The following LRRTM4 variants were observed in gnomAD, a reference collection of about 807,000 sequenced individuals.
LRRTM4 encodes leucine rich repeat transmembrane neuronal 4.
In LRRTM4, 25 loss-of-function variants were observed where a neutral mutation model predicts 47.6. The ratio of observed to expected loss-of-function variants is 0.53; its 90% CI spans 0.38 to 0.73. The LOEUF is 0.73. Ranked by LOEUF, LRRTM4 falls within the 30% of genes least tolerant of loss-of-function variation. LRRTM4 has a pLI of 0.00. For synonymous variants in LRRTM4, 311 were observed against 269.5 expected (o/e 1.15, Z -1.51); for missense variants, 638 against 713.4 (o/e 0.89, Z 1.20).
intron 3 of LRRTM4, among the ~76,000 whole-genome samples, chr2:76,817,104 C>G (rs1670924921): frequency 6.6e-6 from 1 of 151,762 alleles, no homozygotes; most frequent in Non-Finnish European, 1.5e-5. Flanking sequence ...TGGCCTTACT[C>G]TCTGAAGAAT....
intron 3 of LRRTM4, among the ~76,000 whole-genome samples, chr2:77,093,795 C>T (rs1434426464): frequency 1.3e-5 from 2 of 151,862 alleles, no homozygotes; most frequent in Non-Finnish European, 2.9e-5. Context: ...TAACTGATGA[C>T]ATTCCACCAC....
intron 3 of LRRTM4, among the ~76,000 whole-genome samples, chr2:77,456,877 T>A (rs1280323473): frequency 6.7e-6 from 1 of 150,282 alleles, no homozygotes; most frequent in Non-Finnish European, 1.5e-5. Context: ...ATCTTCCAAC[T>A]CTACATTTCT....
At chr2:77,334,336 C>T (rs748238876) in intron 3 of LRRTM4, among the ~76,000 whole-genome samples, 4 of 152,030 alleles carry the variant, frequency 2.6e-5, no homozygotes, top group African/African-American at 4.8e-5. Flanking sequence ...TGATATGGTT[C>T]AGTTTTGTCC....
At chr2:76,932,529 C>G (rs752914606) in intron 3 of LRRTM4, among the ~76,000 whole-genome samples, 1 of 151,966 alleles carries the variant, frequency 6.6e-6, no homozygotes, top group Non-Finnish European at 1.5e-5. Context: ...GAAGACGGTA[C>G]GCCCTTAGTC....
At chr2:77,205,816 A>G (rs1474992798) in intron 3 of LRRTM4, among the ~76,000 whole-genome samples, 2 of 152,156 alleles carry the variant, frequency 1.3e-5, no homozygotes, top group Non-Finnish European at 2.9e-5. Flanking sequence ...GACATCATTA[A>G]TAATCATTTG....
intron 3 of LRRTM4, among the ~76,000 whole-genome samples, chr2:76,780,299 C>T (rs1674297152): frequency 6.6e-6 from 1 of 152,182 alleles, no homozygotes; most frequent in Non-Finnish European, 1.5e-5. Flanking sequence ...TGAATCTGAA[C>T]ATTGGCTTGC....
At chr2:76,810,988 A>G (rs62172137) in intron 3 of LRRTM4, among the ~76,000 whole-genome samples, 12 of 152,206 alleles carry the variant, frequency 7.9e-5, no homozygotes, top group Non-Finnish European at 1.2e-4. Flanking sequence ...GTTAATAACT[A>G]GATTCACTGA....
chr2:76,881,706 A>G (rs1672935182), intron 3 of LRRTM4, among the ~76,000 whole-genome samples: 2 of 152,106 alleles, frequency 1.3e-5, no homozygotes, highest in African/African-American at 4.8e-5. Flanking sequence ...CTAAGATGAA[A>G]AAAAGTACCA....
chr2:77,452,923 C>T (rs2103955134), intron 3 of LRRTM4, among the ~76,000 whole-genome samples: 1 of 152,192 alleles, frequency 6.6e-6, no homozygotes, highest in East Asian at 1.9e-4. Context: ...AGACTGACTG[C>T]TTCTTATTGC....
intron 3 of LRRTM4, among the ~76,000 whole-genome samples, chr2:76,842,901 A>G (rs1671729320): frequency 6.6e-6 from 1 of 152,176 alleles, no homozygotes; most frequent in African/African-American, 2.4e-5. Flanking sequence ...AGATCCACCT[A>G]TATTAGGAGA....
At chr2:76,799,201 A>T (rs1335383593) in intron 3 of LRRTM4, among the ~76,000 whole-genome samples, 1 of 128,416 alleles carries the variant, frequency 7.8e-6, no homozygotes, top group Non-Finnish European at 1.6e-5. Context: ...AAAAATCCTC[A>T]ATAAAATACT....
intron 3 of LRRTM4, among the ~76,000 whole-genome samples, chr2:77,495,090 A>G (rs567538819): frequency 2.6e-5 from 4 of 152,182 alleles, no homozygotes; most frequent in African/African-American, 7.2e-5. Context: ...GGATATTGCA[A>G]ATAATGTCAC....
At chr2:77,393,472 G>A in intron 3 of LRRTM4, among the ~76,000 whole-genome samples, 1 of 152,006 alleles carries the variant, frequency 6.6e-6, no homozygotes, top group East Asian at 1.9e-4. Flanking sequence ...CCAGGCAAAA[G>A]GATGAAGTTC....
intron 3 of LRRTM4, among the ~76,000 whole-genome samples, chr2:77,294,452 A>G (rs1676914258): frequency 6.6e-6 from 1 of 152,154 alleles, no homozygotes; most frequent in Non-Finnish European, 1.5e-5. Flanking sequence ...TTGATTTAGT[A>G]TTTAGAAAGG....
chr2:76,837,247 T>G (rs1479084349), intron 3 of LRRTM4, among the ~76,000 whole-genome samples: 3 of 151,428 alleles, frequency 2.0e-5, no homozygotes, highest in Non-Finnish European at 3.0e-5. Flanking sequence ...TATCATTTTT[T>G]ATTGCGTCTA....
At chr2:76,802,507 T>A (rs1675753959) in intron 3 of LRRTM4, among the ~76,000 whole-genome samples, 1 of 151,966 alleles carries the variant, frequency 6.6e-6, no homozygotes, top group South Asian at 2.1e-4. Context: ...TGTTCATGGA[T>A]TGGAAGAATG....
chr2:76,935,877 T>C (rs1674928984), intron 3 of LRRTM4, among the ~76,000 whole-genome samples: 1 of 152,174 alleles, frequency 6.6e-6, no homozygotes, highest in African/African-American at 2.4e-5. Context: ...TCCAATATTA[T>C]GTTGAATAGG....
At chr2:77,417,105 A>C (rs1309723003) in intron 3 of LRRTM4, among the ~76,000 whole-genome samples, 1 of 152,170 alleles carries the variant, frequency 6.6e-6, no homozygotes, top group East Asian at 1.9e-4. Context: ...ACTTCTCAAA[A>C]GAAGACATTT....
intron 3 of LRRTM4, among the ~76,000 whole-genome samples, chr2:76,840,647 G>C (rs181484431): frequency 2.2e-3 from 339 of 152,232 alleles, no homozygotes; most frequent in African/African-American, 7.9e-3. Flanking sequence ...CAGCTGCCCC[G>C]ACTACATGTG....
Sources: gnomAD v4.1 joint callset for allele counts (sites outside exome capture counted in the v4.1 genomes callset) on GRCh38, gnomAD v4.1.1 for gene constraint, MANE v1.5 for transcripts, NCBI Gene and HGNC (gene_info 2026-07-23, HGNC 2026-07-21) for gene names.